The following MYH10 variants were observed in gnomAD, a reference collection of about 807,000 sequenced individuals.
The protein encoded by MYH10 is myosin heavy chain 10, also known as myosin-10.
In MYH10, 55 loss-of-function variants were observed where a neutral mutation model predicts 257.8. The ratio of observed to expected loss-of-function variants is 0.21; its 90% confidence interval spans 0.17 to 0.27. The LOEUF is 0.27. MYH10 is among the 10% of genes least tolerant of loss of function. MYH10 has a pLI of 1.00. For synonymous variants in MYH10, 854 were observed against 921.7 expected, an observed-to-expected ratio of 0.93 and a Z score of 1.33; for missense variants, 1,631 against 2,500.6, an observed-to-expected ratio of 0.65 and a Z score of 7.42.
chr17:8,488,013 T>G (rs548279065), intron 35 of MYH10, among the ~76,000 whole-genome samples: 1 of 152,170 alleles, frequency 6.6e-6, no homozygotes, highest in Non-Finnish European at 1.5e-5. Context: ...TGTGAGGACA[T>G]GGGGCATGGC....
intron 30 of MYH10, among the ~76,000 whole-genome samples, chr17:8,497,392 G>C (rs1916800436): frequency 6.6e-6 from 1 of 152,068 alleles, no homozygotes; most frequent in South Asian, 2.1e-4. Context: ...ACCACAGTCA[G>C]CCCTTCCTAT....
At chr17:8,541,661 TA>T (rs539177345) in intron 14 of MYH10, among the ~76,000 whole-genome samples, 111 of 146,738 alleles carry the variant, frequency 7.6e-4, no homozygotes, top group Non-Finnish European at 1.3e-3. Flanking sequence ...AACTTCAAAT[TA>T]AAAAAAAAAA....
At chr17:8,616,672 AATATT>A (rs1281717811) in intron 2 of MYH10, among the ~76,000 whole-genome samples, 1 of 152,120 alleles carries the variant, frequency 6.6e-6, no homozygotes. Flanking sequence ...TTAAAGATAA[AATATT>A]ATAAAGATCT....
At position 8,477,116 on chromosome 17, in the gene MYH10, G is replaced by A. The variant is rs546576262; in HGVS notation, c.5707-68C>T. On this transcript the variant is annotated intron_variant, in intron 41 of 42. Coordinates refer to ENST00000360416, the MANE Select transcript of MYH10 (RefSeq NM_001256012.3). The surrounding 1 kb of genome is among the most constrained non-coding windows in gnomAD (Gnocchi z 4.2). The stretch of plus-strand genomic sequence containing the variant: ...TCCAGTGTCGGCCTCTCTGTACCCC[G>A]AGCGTGGCAGTGTGGGGCTCTGCCT... 10 of 1,567,412 alleles carry A rather than the reference G, an allele frequency of 6.4e-6. No homozygotes were observed. The highest frequency in any genetic ancestry group is 2.7e-5 in the African/African-American group (2 of 74,244).
At chr17:8,613,882 C>T (rs2085140635) in intron 2 of MYH10, among the ~76,000 whole-genome samples, 1 of 151,280 alleles carries the variant, frequency 6.6e-6, no homozygotes, top group African/African-American at 2.4e-5. Context: ...ATTAACCACA[C>T]AAACACTAAT....
intron 26 of MYH10, among the ~76,000 whole-genome samples, chr17:8,508,042 A>C (rs960640438): frequency 6.6e-6 from 1 of 152,094 alleles, no homozygotes; most frequent in Non-Finnish European, 1.5e-5. Context: ...TAATCTTAAG[A>C]GCCCTTTTTA....
intron 3 of MYH10, among the ~76,000 whole-genome samples, chr17:8,602,291 T>G: frequency 6.6e-6 from 1 of 152,220 alleles, no homozygotes; most frequent in Non-Finnish European, 1.5e-5. Flanking sequence ...AAACAGAATC[T>G]TAAAAGCTCT....
chr17:8,561,602 A>C, intron 7 of MYH10: 1 of 767,336 alleles, frequency 1.3e-6, no homozygotes, highest in Non-Finnish European at 2.4e-6. Flanking sequence ...AAGACTGAAG[A>C]CAGACTATTC....
Position 8,552,264 on chromosome 17 carries a change from A to G in MYH10, c.821-120T>C. 1 of 465,156 alleles carries G rather than the reference A, an allele frequency of 2.1e-6. No homozygotes were observed. Among genetic ancestry groups the G allele is most frequent in the East Asian group, 3.5e-5 (1 of 28,728 alleles). 28.8% of individuals were successfully genotyped at this position (465,156 alleles called of 1,614,324 possible). ...TCTTCTTTCTCTGATTATTATATAAACTATCCTGCAATGAACTATTCTAAA... is the reference window on the plus strand; with the variant it reads ...TCTTCTTTCTCTGATTATTATATAAGCTATCCTGCAATGAACTATTCTAAA... On this transcript the variant is annotated intron_variant, in intron 8 of 42. Coordinates refer to ENST00000360416, the MANE Select transcript of MYH10 (RefSeq NM_001256012.3). The surrounding 1 kb of genome is among the most constrained non-coding windows in gnomAD (Gnocchi z 4.8).
intron 29 of MYH10, among the ~76,000 whole-genome samples, chr17:8,500,180 G>A (rs1260289763): frequency 1.3e-5 from 2 of 152,236 alleles, no homozygotes; most frequent in Admixed American, 1.3e-4. Flanking sequence ...AAGGTGGCAT[G>A]TGGCTAGGCA....
intron 26 of MYH10, among the ~76,000 whole-genome samples, chr17:8,508,046 C>G (rs991759174): frequency 6.6e-6 from 1 of 152,058 alleles, no homozygotes; most frequent in Non-Finnish European, 1.5e-5. Flanking sequence ...CTTAAGAGCC[C>G]TTTTTATTAT....
At chr17:8,495,106 TTA>T (rs1567795246) in intron 31 of MYH10, 29 bp downstream of exon 31, 1 of 1,324,994 alleles carries the variant, frequency 7.5e-7, no homozygotes, top group South Asian at 1.2e-5. Context: ...ATGTTAGTTA[TTA>T]TAAAGACCCC....
Position 8,518,657 on chromosome 17 carries a change from G to T in MYH10, c.2478C>A (p.Ala826=). Residue 826 remains alanine, a synonymous_variant, in exon 21 of 43, where the codon GCC becomes GCA. Coordinates refer to ENST00000360416, the MANE Select transcript of MYH10 (RefSeq NM_001256012.3). Reference sequence around the variant, plus strand: ...TTCTGGCCAGGTAACCTCTGCAAACGGCCTGGAAGAAGATAATGATATCGG... The same window carrying T: ...TTCTGGCCAGGTAACCTCTGCAAACTGCCTGGAAGAAGATAATGATATCGG... ...KITDIIIFFQ[A]VCRGYLARKA... 6.2e-7 allele frequency: 1 copy of T among 1,613,528 alleles called. No individual in the cohort carries two copies. Among genetic ancestry groups the T allele is most frequent in the Non-Finnish European group, 8.5e-7 (1 of 1,179,858 alleles).
At chr17:8,587,952 TCTATTG>T (rs2152043168) in intron 4 of MYH10, among the ~76,000 whole-genome samples, 1 of 152,146 alleles carries the variant, frequency 6.6e-6, no homozygotes, top group South Asian at 2.1e-4. Context: ...CCCTCCACTC[TCTATTG>T]CTGGGTCCAG....
intron 2 of MYH10, among the ~76,000 whole-genome samples, chr17:8,614,136 G>A (rs1038389783): frequency 6.6e-6 from 1 of 152,020 alleles, no homozygotes; most frequent in Non-Finnish European, 1.5e-5. Flanking sequence ...TTTTTCAAGT[G>A]CATAATAACC....
At position 8,569,643 on chromosome 17, in the gene MYH10, A is replaced by T; in HGVS notation, c.756+77T>A. ...CTTCTTAAAATCTAGGAAGAAAAGT[A>T]ATTCATTTGCTTAATCACAGTAAAC... On this transcript the variant is annotated intron_variant, in intron 7 of 42. Coordinates refer to ENST00000360416, the MANE Select transcript of MYH10 (RefSeq NM_001256012.3). This position sits in a 1 kb window ranked among gnomAD's most constrained non-coding sequence, Gnocchi z 4.1. The T allele has an allele frequency of 1.0e-6, 1 of 984,404 alleles. No individual in the cohort carries two copies. The allele number at this position is 984,404 out of a possible 1,614,324, so 61.0% of individuals were successfully genotyped here. A position where few individuals can be genotyped will look rare whatever the true frequency, so the allele number is the denominator to read the frequency against.
chr17:8,562,159 C>T (rs1480447797), intron 7 of MYH10, among the ~76,000 whole-genome samples: 2 of 152,194 alleles, frequency 1.3e-5, no homozygotes, highest in South Asian at 2.1e-4. Context: ...ACTTTGACAA[C>T]CTGACAAAGT....
intron 9 of MYH10, among the ~76,000 whole-genome samples, chr17:8,549,008 A>G (rs2082534444): frequency 6.6e-6 from 1 of 152,224 alleles, no homozygotes. Flanking sequence ...TTAACAACGC[A>G]AAAACCTTAA....
At position 8,577,346 on chromosome 17, in the gene MYH10, A is replaced by G. The variant is rs1179481171; in HGVS notation, c.531-8T>C. Reference sequence around the variant, plus strand: ...CCAGCACCTGACTCACCCCTGAAAGAAAGAGTTAATATAGGCTGCTTTAAC... The same window carrying G: ...CCAGCACCTGACTCACCCCTGAAAGGAAGAGTTAATATAGGCTGCTTTAAC... On this transcript the variant is annotated splice_polypyrimidine_tract_variant and splice_region_variant and intron_variant, in intron 4 of 42. Transcript: ENST00000360416. The G allele has an allele frequency of 1.9e-6, 3 of 1,601,746 alleles. No individual in the cohort carries two copies. Among genetic ancestry groups the G allele is most frequent in the African/African-American group, 1.3e-5 (1 of 74,706 alleles).
Sources: gnomAD v4.1 joint callset for allele counts (sites outside exome capture counted in the v4.1 genomes callset) on GRCh38, gnomAD v4.1.1 for gene constraint, Gnocchi (gnomAD v3.1) non-coding constraint, MANE v1.5 for transcripts, NCBI Gene and HGNC (gene_info 2026-07-23, HGNC 2026-07-21) for gene names.